CUX1: variants seen among roughly 807,000 people sequenced by gnomAD.
The protein encoded by CUX1 is cut like homeobox 1.
CUX1 carries 31 observed loss-of-function variants against 158.8 expected under a neutral mutation model. That is an observed-to-expected ratio of 0.20 (90% confidence interval 0.15 to 0.26). The LOEUF (loss-of-function observed/expected upper bound fraction) is 0.26, where lower values mean the gene tolerates loss of function less well. CUX1 is among the 10% of genes least tolerant of loss of function. The pLI is 1.00. For missense variants in CUX1, 1,589 were observed against 2,014.6 expected (o/e 0.79, Z 4.04); for synonymous variants, 879 against 862.1 (o/e 1.02, Z -0.34).
At chr7:102,163,262 C>G (rs939593311) in intron 9 of CUX1, among the ~76,000 whole-genome samples, 2 of 151,480 alleles carry the variant, frequency 1.3e-5, no homozygotes, top group Non-Finnish European at 2.9e-5. Context: ...GAGGCAGGAG[C>G]ATCACTTGAG....
chr7:102,274,204 T>C, intron 15 of CUX1: 1 of 1,587,182 alleles, frequency 6.3e-7, no homozygotes, highest in Middle Eastern at 1.7e-4. Flanking sequence ...CCGTGCCCAT[T>C]GTGCGGAGGC....
At chr7:101,864,676 G>C (rs967112231) in intron 1 of CUX1, among the ~76,000 whole-genome samples, 1 of 151,978 alleles carries the variant, frequency 6.6e-6, no homozygotes, top group Non-Finnish European at 1.5e-5. Context: ...TCAGCCTCCC[G>C]AGTAGCTGGG....
At chr7:102,226,145 C>G (rs1229732824) in intron 20 of CUX1, among the ~76,000 whole-genome samples, 1 of 152,246 alleles carries the variant, frequency 6.6e-6, no homozygotes, top group Non-Finnish European at 1.5e-5. Context: ...CACTCACCAA[C>G]AGAGCCCAGC....
intron 2 of CUX1, among the ~76,000 whole-genome samples, chr7:101,971,082 A>T (rs1348760848): frequency 6.6e-6 from 1 of 152,226 alleles, no homozygotes; most frequent in Non-Finnish European, 1.5e-5. Flanking sequence ...CCTGAAAAAG[A>T]TACTTTCCCC....
chr7:101,964,742 A>G (rs1810946800), intron 2 of CUX1, among the ~76,000 whole-genome samples: 1 of 152,144 alleles, frequency 6.6e-6, no homozygotes, highest in African/African-American at 2.4e-5. Flanking sequence ...ATCGTTTCAG[A>G]GTTTCGAGGG....
intron 1 of CUX1, among the ~76,000 whole-genome samples, chr7:101,879,932 T>C (rs1289226385): frequency 2.6e-5 from 4 of 152,110 alleles, no homozygotes; most frequent in Non-Finnish European, 5.9e-5. Flanking sequence ...TTGTGGACTT[T>C]GGTGGTGGGT....
intron 2 of CUX1, among the ~76,000 whole-genome samples, chr7:101,966,253 G>A (rs919156846): frequency 9.9e-5 from 15 of 150,914 alleles, no homozygotes; most frequent in Non-Finnish European, 2.9e-5. Context: ...TTTTGTAGAG[G>A]TGGTGTTTCA....
In CUX1 at chr7:102,189,890, G is replaced by A. The variant is rs1554516505; in HGVS notation, c.1076+19G>A. ...AGCTGAAGTAAGTACGGAGAGCCCT[G>A]TGGCCCCTCACACGCTGGGGCGCAT... On this transcript the variant is annotated intron_variant, in intron 12 of 23. Transcript: ENST00000292535. The A allele has an allele frequency of 6.2e-7, 1 of 1,614,018 alleles. No individual in the cohort carries two copies. Among genetic ancestry groups the A allele is most frequent in the Non-Finnish European group, 8.5e-7 (1 of 1,179,880 alleles).
chr7:102,269,820 C>G (rs1206628317), intron 14 of CUX1, among the ~76,000 whole-genome samples: 1 of 90,520 alleles, frequency 1.1e-5, no homozygotes, highest in Non-Finnish European at 2.7e-5. Flanking sequence ...TTCTTCCATG[C>G]CCCCCCCAAA....
intron 2 of CUX1, among the ~76,000 whole-genome samples, chr7:101,953,348 C>T (rs1188322584): frequency 6.6e-6 from 1 of 152,174 alleles, no homozygotes; most frequent in Non-Finnish European, 1.5e-5. Context: ...ACATTCCCGG[C>T]CCTCATAATT....
At chr7:101,954,690 G>A (rs1046561638) in intron 2 of CUX1, among the ~76,000 whole-genome samples, 5 of 152,068 alleles carry the variant, frequency 3.3e-5, no homozygotes, top group Admixed American at 1.3e-4. Flanking sequence ...CCATGGTAGC[G>A]ATGAGGAAGC....
chr7:101,930,775 A>C (rs751883086), intron 2 of CUX1, among the ~76,000 whole-genome samples: 3 of 152,192 alleles, frequency 2.0e-5, no homozygotes, highest in African/African-American at 4.8e-5. Context: ...TGAGCAAGCC[A>C]TGACCTCTCT....
At chr7:101,975,213 T>C (rs1353522092) in intron 2 of CUX1, among the ~76,000 whole-genome samples, 1 of 151,304 alleles carries the variant, frequency 6.6e-6, no homozygotes, top group Non-Finnish European at 1.5e-5. Flanking sequence ...ATTGTGCCAC[T>C]GTACTCCAGC....
At chr7:102,275,204 C>T (rs1554547419) in intron 16 of CUX1, 3 of 1,470,334 alleles carry the variant, frequency 2.0e-6, no homozygotes, top group Non-Finnish European at 2.8e-6. Context: ...CTGCTGGGTT[C>T]CACCTCCTGC....
chr7:102,092,056 C>G (rs1828637293), intron 4 of CUX1, among the ~76,000 whole-genome samples: 1 of 152,250 alleles, frequency 6.6e-6, no homozygotes, highest in Non-Finnish European at 1.5e-5. Context: ...CCGTCCATCT[C>G]TGGCCACTTC....
intron 8 of CUX1, among the ~76,000 whole-genome samples, chr7:102,157,844 C>T (rs1445930554): frequency 1.3e-5 from 2 of 152,130 alleles, no homozygotes; most frequent in Non-Finnish European, 2.9e-5. Context: ...GTGTTGGGTT[C>T]GCGTATTTGC....
At chr7:101,943,320 T>G (rs1243505558) in intron 2 of CUX1, among the ~76,000 whole-genome samples, 6 of 151,920 alleles carry the variant, frequency 3.9e-5, no homozygotes, top group African/African-American at 1.5e-4. Flanking sequence ...TTGGCCAGGT[T>G]GGTCTTGAAC....
intron 1 of CUX1, among the ~76,000 whole-genome samples, chr7:101,892,534 C>T (rs907358461): frequency 2.0e-5 from 3 of 152,124 alleles, no homozygotes; most frequent in East Asian, 1.9e-4. Flanking sequence ...ATCATTACTA[C>T]GTTATACGCA....
chr7:101,910,535 C>T (rs1035065561), intron 1 of CUX1, among the ~76,000 whole-genome samples: 3 of 152,052 alleles, frequency 2.0e-5, no homozygotes, highest in Admixed American at 6.5e-5. Flanking sequence ...GCGGGCAGAT[C>T]GCTTGAGGCC....
Sources: allele counts gnomAD v4.1 joint callset (sites outside exome capture counted in the v4.1 genomes callset), GRCh38; gene constraint gnomAD v4.1.1; transcripts MANE v1.5; gene names NCBI Gene and HGNC (gene_info 2026-07-23, HGNC 2026-07-21).